KAZN: variants seen among roughly 807,000 people sequenced by gnomAD.
KAZN encodes the protein kazrin, periplakin interacting protein.
A neutral mutation model predicts 87.4 loss-of-function variants in KAZN; 40 were observed. The observed-to-expected ratio is 0.46, with a 90% CI of 0.36 to 0.60. The LOEUF (loss-of-function observed/expected upper bound fraction) is 0.60. Among genes scored for constraint, KAZN ranks in the 20% least tolerant of loss-of-function variants. The pLI is 0.00. For synonymous variants in KAZN, 466 were observed against 458.3 expected (o/e 1.02, Z -0.22); for missense variants, 898 against 1,073.9 (o/e 0.84, Z 2.29).
chr1:14,205,678 A>T (rs1040812917), intron 2 of KAZN, among the ~76,000 whole-genome samples: 3 of 151,804 alleles, frequency 2.0e-5, no homozygotes, highest in African/African-American at 7.3e-5. Context: ...AGGTCAGGAG[A>T]TCAAGGCCAT....
At chr1:15,092,363 C>A (rs541639163) in intron 8 of KAZN, among the ~76,000 whole-genome samples, 1 of 152,302 alleles carries the variant, frequency 6.6e-6, no homozygotes, top group East Asian at 1.9e-4. Flanking sequence ...GCATGAGCCA[C>A]TGTGCCCAGC....
chr1:15,095,652 G>C (rs1265114924), intron 10 of KAZN, among the ~76,000 whole-genome samples: 1 of 135,002 alleles, frequency 7.4e-6, no homozygotes, highest in Non-Finnish European at 1.5e-5. Context: ...GGAAGAACTC[G>C]CTTTGTAAAT....
At chr1:14,097,411 G>A (rs1434490232) in intron 1 of KAZN, among the ~76,000 whole-genome samples, 2 of 152,168 alleles carry the variant, frequency 1.3e-5, no homozygotes, top group African/African-American at 4.8e-5. Flanking sequence ...CTGCTTGCCT[G>A]GAATGTTAGT....
intron 1 of KAZN, among the ~76,000 whole-genome samples, chr1:14,723,431 C>A (rs560787494): frequency 1.3e-5 from 2 of 152,176 alleles, no homozygotes; most frequent in African/African-American, 2.4e-5. Context: ...TGAGTGGGAC[C>A]TGGGGTGGCC....
intron 2 of KAZN, among the ~76,000 whole-genome samples, chr1:14,400,482 T>C (rs921096842): frequency 1.3e-5 from 2 of 152,172 alleles, no homozygotes; most frequent in African/African-American, 4.8e-5. Flanking sequence ...GTCACAGAAC[T>C]GGTAGCAGAT....
At chr1:14,781,086 G>T (rs1645323257) in intron 1 of KAZN, among the ~76,000 whole-genome samples, 1 of 152,180 alleles carries the variant, frequency 6.6e-6, no homozygotes, top group Non-Finnish European at 1.5e-5. Flanking sequence ...ACTTTGGGAG[G>T]CCGAGGCAGG....
At chr1:14,168,087 T>C (rs773907883) in intron 1 of KAZN, among the ~76,000 whole-genome samples, 2 of 152,210 alleles carry the variant, frequency 1.3e-5, no homozygotes, top group Non-Finnish European at 2.9e-5. Flanking sequence ...TCCTCTTCCT[T>C]GAGCCAAAGC....
intron 2 of KAZN, among the ~76,000 whole-genome samples, chr1:14,448,892 T>G (rs1024832661): frequency 2.6e-5 from 4 of 152,188 alleles, no homozygotes; most frequent in Non-Finnish European, 5.9e-5. Flanking sequence ...CCTCCTGTCA[T>G]GGAGTTTGAG....
chr1:14,960,596 A>G, intron 1 of KAZN, 88 bp from the exon 2 acceptor site: 1 of 1,416,002 alleles, frequency 7.1e-7, no homozygotes, highest in East Asian at 2.5e-5. Context: ...CAAACAAAAA[A>G]GCCAAAGCCA....
At position 14,474,494 on chromosome 1, in the gene KAZN, C is replaced by T. The variant is rs16850341; in HGVS notation, c.250-124489C>T. ...AGTTGAAACACTCCTGAAATAAGAA[C>T]GTACTTGGCTTATTTGAGGAATAAA... On this transcript the variant is annotated intron_variant, in intron 2 of 16. Coordinates refer to the KAZN transcript ENST00000636203. Among the ~76,000 whole-genome samples, 281 of 152,238 alleles carry T rather than the reference C, an allele frequency of 1.8e-3. 6 individuals are homozygous for T. The East Asian group carries it at 0.049, about 27-fold the overall frequency.
At chr1:13,893,776 T>A (rs1049869978) in intron 1 of KAZN, 4 of 1,549,484 alleles carry the variant, frequency 2.6e-6, no homozygotes, top group Non-Finnish European at 3.5e-6. Flanking sequence ...GCGTCGTGTG[T>A]CATGTGCCCA....
chr1:15,067,229 C>A, intron 8 of KAZN: 1 of 985,510 alleles, frequency 1.0e-6, no homozygotes, highest in Non-Finnish European at 1.2e-6. Context: ...AGCCCTCCAC[C>A]CTCCCCATTC....
At chr1:14,770,763 G>T (rs964390018) in intron 1 of KAZN, among the ~76,000 whole-genome samples, 1 of 152,138 alleles carries the variant, frequency 6.6e-6, no homozygotes, top group Non-Finnish European at 1.5e-5. Flanking sequence ...TTTCAAACAC[G>T]TTAGGCCTTA....
At chr1:13,929,645 T>G (rs1186580209) in intron 1 of KAZN, among the ~76,000 whole-genome samples, 3 of 152,100 alleles carry the variant, frequency 2.0e-5, no homozygotes, top group Admixed American at 2.0e-4. Flanking sequence ...AGATAAAATA[T>G]GTGAACTAAT....
intron 1 of KAZN, among the ~76,000 whole-genome samples, chr1:14,645,812 C>T (rs1680766976): frequency 2.6e-5 from 4 of 152,164 alleles, no homozygotes; most frequent in Non-Finnish European, 5.9e-5. Context: ...AGAGGGCATC[C>T]TTGTCTTGTG....
intron 1 of KAZN, among the ~76,000 whole-genome samples, chr1:13,966,198 C>T (rs1436878674): frequency 6.6e-6 from 1 of 151,922 alleles, no homozygotes; most frequent in Non-Finnish European, 1.5e-5. Flanking sequence ...CCTCCTACTC[C>T]TTCCCTCCCT....
At chr1:14,589,444 C>T (rs1052603004) in intron 2 of KAZN, among the ~76,000 whole-genome samples, 2 of 152,162 alleles carry the variant, frequency 1.3e-5, no homozygotes, top group Admixed American at 6.5e-5. Context: ...CAAAATATCT[C>T]CCTTCCAATT....
chr1:14,673,458 C>G (rs1326606878), intron 1 of KAZN, among the ~76,000 whole-genome samples: 1 of 152,204 alleles, frequency 6.6e-6, no homozygotes, highest in African/African-American at 2.4e-5. Flanking sequence ...GAACAAGTGA[C>G]TGCCTGAAGA....
At chr1:14,410,741 C>A (rs1001115487) in intron 2 of KAZN, among the ~76,000 whole-genome samples, 46 of 152,150 alleles carry the variant, frequency 3.0e-4, no homozygotes, top group African/African-American at 1.1e-3. Context: ...GAAAGAGAAC[C>A]CTGGAGAGAT....
Sources: gnomAD v4.1 joint callset for allele counts (sites outside exome capture counted in the v4.1 genomes callset) on GRCh38, gnomAD v4.1.1 for gene constraint, MANE v1.5 for transcripts, NCBI Gene and HGNC (gene_info 2026-07-23, HGNC 2026-07-21) for gene names.